Variants in NT5E observed in about 807,000 individuals in gnomAD.
NT5E encodes 5'-nucleotidase ecto, also known as 5'-nucleotidase.
In NT5E, 53 loss-of-function variants were observed where a neutral mutation model predicts 55.1. That is an observed-to-expected ratio of 0.96 (90% CI 0.77 to 1.21). The LOEUF is 1.21. NT5E is among the 50% of genes most tolerant of loss of function. NT5E has a pLI of 0.00. For synonymous variants in NT5E, 270 were observed against 278.4 expected, an observed-to-expected ratio of 0.97 and a Z score of 0.30; for missense variants, 683 against 724.3, an observed-to-expected ratio of 0.94 and a Z score of 0.65.
chr6:85,463,386 G>A (rs112231430), intron 1 of NT5E, among the ~76,000 whole-genome samples: 1,985 of 152,242 alleles, frequency 0.013, 42 homozygotes, highest in African/African-American at 0.046. Context: ...AAGAGCATCA[G>A]AACATGATTT....
chr6:85,456,805 G>T (rs149746578), intron 1 of NT5E, among the ~76,000 whole-genome samples: 64 of 152,294 alleles, frequency 4.2e-4, no homozygotes, highest in African/African-American at 1.5e-3. Context: ...GGGAGTAAAC[G>T]TGGGGGTGAG....
chr6:85,487,633 T>A, intron 5 of NT5E, 144 bp downstream of exon 5: 1 of 1,123,478 alleles, frequency 8.9e-7, no homozygotes, highest in Non-Finnish European at 1.3e-6. Flanking sequence ...GGCATGTGCC[T>A]ATAGTCCCAG....
intron 1 of NT5E, among the ~76,000 whole-genome samples, chr6:85,464,788 A>G (rs557291176): frequency 2.0e-5 from 3 of 152,348 alleles, no homozygotes; most frequent in Admixed American, 1.3e-4. Context: ...AGGTGGATGG[A>G]AACTGGAGCA....
chr6:85,491,294 T>C (rs888815166), intron 7 of NT5E: 1 of 339,970 alleles, frequency 2.9e-6, no homozygotes, highest in African/African-American at 2.2e-5. Context: ...AGTGAATTAA[T>C]CCTTTAAAAG....
intron 1 of NT5E, among the ~76,000 whole-genome samples, chr6:85,461,646 A>G (rs1289308486): frequency 6.6e-6 from 1 of 152,154 alleles, no homozygotes; most frequent in Admixed American, 6.5e-5. Context: ...CAGAGTTTTT[A>G]TTCCAAGAGT....
intron 4 of NT5E, among the ~76,000 whole-genome samples, chr6:85,486,896 T>A (rs1769676991): frequency 6.6e-6 from 1 of 152,214 alleles, no homozygotes; most frequent in East Asian, 1.9e-4. Context: ...GTCAGGAAGA[T>A]GAGGTGCACA....
chr6:85,472,208 C>T (rs754215868), intron 3 of NT5E, among the ~76,000 whole-genome samples: 1 of 152,162 alleles, frequency 6.6e-6, no homozygotes, highest in Non-Finnish European at 1.5e-5. Flanking sequence ...TATCAGCATT[C>T]GCAAAGAAGG....
intron 1 of NT5E, among the ~76,000 whole-genome samples, chr6:85,463,171 T>C (rs1271174353): frequency 2.6e-5 from 4 of 152,226 alleles, no homozygotes; most frequent in Admixed American, 6.5e-5. Context: ...TGTATTTCTA[T>C]GATTTTGCTG....
chr6:85,466,541 G>A (rs1302629791), intron 1 of NT5E, among the ~76,000 whole-genome samples: 1 of 152,202 alleles, frequency 6.6e-6, no homozygotes, highest in Non-Finnish European at 1.5e-5. Context: ...GACCACAGGA[G>A]TGCTTGGGAA....
chr6:85,482,404 G>A (rs1769568316), intron 3 of NT5E, among the ~76,000 whole-genome samples: 1 of 151,950 alleles, frequency 6.6e-6, no homozygotes, highest in Admixed American at 6.6e-5. Flanking sequence ...AAAAAGGGAG[G>A]GAGGGAAGGT....
At chr6:85,456,498 G>A (rs552249903) in intron 1 of NT5E, among the ~76,000 whole-genome samples, 1 of 152,336 alleles carries the variant, frequency 6.6e-6, no homozygotes, top group Admixed American at 6.5e-5. Context: ...CTGATGCTAA[G>A]TCCAGGTAGA....
intron 2 of NT5E, among the ~76,000 whole-genome samples, chr6:85,470,220 C>T (rs1213657777): frequency 6.6e-6 from 1 of 152,190 alleles, no homozygotes; most frequent in African/African-American, 2.4e-5. Flanking sequence ...TCAAATGTGG[C>T]TAACAGAGCC....
At chr6:85,466,717 G>T (rs1389407563) in intron 1 of NT5E, among the ~76,000 whole-genome samples, 1 of 152,178 alleles carries the variant, frequency 6.6e-6, no homozygotes, top group Non-Finnish European at 1.5e-5. Flanking sequence ...GGTCTGAAAT[G>T]TGGGTTTATG....
At chr6:85,475,911 A>C (rs1453228385) in intron 3 of NT5E, among the ~76,000 whole-genome samples, 1 of 152,176 alleles carries the variant, frequency 6.6e-6, no homozygotes. Context: ...CTTACTTTTC[A>C]GGATTTGGGG....
At chr6:85,452,671 G>C (rs768697349) in intron 1 of NT5E, among the ~76,000 whole-genome samples, 1 of 152,138 alleles carries the variant, frequency 6.6e-6, no homozygotes, top group African/African-American at 2.4e-5. Flanking sequence ...ATGATTTGAC[G>C]TGCATAAAAT....
intron 5 of NT5E, 76 bp from the exon 6 acceptor site, chr6:85,489,418 G>A: frequency 9.7e-7 from 1 of 1,028,138 alleles, no homozygotes; most frequent in South Asian, 1.3e-5. Context: ...CCTCACTAGA[G>A]CTAACCAGAT....
Position 85,486,857 on chromosome 6 carries a change from A to G in NT5E, c.950-478A>G, listed in dbSNP as rs535526691. ...GAACACACTCCTGTGCTTGTCTCTC[A>G]CTTTCCCTTTTCTGTTGACTATGAT... On this transcript the variant is annotated intron_variant, in intron 4 of 8. Transcript: ENST00000257770. Among the ~76,000 whole-genome samples the G allele has an allele frequency of 2.0e-5, 3 of 152,236 alleles. No individual in the cohort carries two copies. The South Asian group carries it at 6.2e-4, about 32-fold the overall frequency.
At position 85,494,521 on chromosome 6, in the gene NT5E, T is replaced by C. The variant is rs1385386128; in HGVS notation, c.*517T>C. ...GATCCAAGACCTAGACCTAGGTCTT[T>C]TGAACTCAAGTCCAGCATTCTCAAC... On this transcript the variant is annotated 3_prime_UTR_variant, in exon 9 of 9. Transcript: ENST00000257770. 2 of 160,024 alleles carry C rather than the reference T, an allele frequency of 1.2e-5. No homozygotes were observed. The highest frequency in any genetic ancestry group is 2.8e-5 in the Non-Finnish European group (2 of 72,534). The allele number at this position is 160,024 out of a possible 1,614,324, so 9.9% of individuals were successfully genotyped here.
At chr6:85,469,462 A>C (rs925358050) in intron 2 of NT5E, among the ~76,000 whole-genome samples, 11 of 152,106 alleles carry the variant, frequency 7.2e-5, no homozygotes, top group Non-Finnish European at 1.5e-5. Context: ...GGGGGAATCA[A>C]TAAATGAGTA....
Sources: allele counts gnomAD v4.1 joint callset (sites outside exome capture counted in the v4.1 genomes callset), GRCh38; gene constraint gnomAD v4.1.1; transcripts MANE v1.5; gene names NCBI Gene and HGNC (gene_info 2026-07-23, HGNC 2026-07-21).